The following N4BP2 variants were observed in gnomAD, a reference collection of about 807,000 sequenced individuals.
N4BP2 encodes the protein NEDD4 binding protein 2.
N4BP2 carries 91 observed loss-of-function variants against 152.8 expected under a neutral mutation model. That is an observed-to-expected ratio of 0.60 (90% CI 0.50 to 0.71). The LOEUF (loss-of-function observed/expected upper bound fraction) is 0.71, where lower values mean the gene tolerates loss of function less well. Ranked by LOEUF, N4BP2 falls within the 30% of genes least tolerant of loss-of-function variation. The pLI, the probability that N4BP2 is intolerant of heterozygous loss-of-function variation, is 0.00. For missense variants in N4BP2, 1,923 were observed against 2,059.1 expected (o/e 0.93, Z 1.28); for synonymous variants, 646 against 705.3 (o/e 0.92, Z 1.33).
the N4BP2 span, among the ~76,000 whole-genome samples, chr4:40,183,387 G>A: frequency 6.7e-6 from 1 of 150,200 alleles, no homozygotes; most frequent in Non-Finnish European, 1.5e-5. Context: ...CCAGGCTGGA[G>A]TGCAGTGGCG....
chr4:40,100,309 A>C (rs1301435851), intron 3 of N4BP2, among the ~76,000 whole-genome samples: 4 of 152,054 alleles, frequency 2.6e-5, no homozygotes. Context: ...AGCAAGACAA[A>C]ACACAAAATA....
intron 1 of N4BP2, among the ~76,000 whole-genome samples, chr4:40,072,419 T>C (rs969750411): frequency 6.6e-6 from 1 of 151,568 alleles, no homozygotes; most frequent in African/African-American, 2.4e-5. Flanking sequence ...CTAATTTTTG[T>C]ATTTTTAGTA....
chr4:40,062,615 C>T (rs1009439010), intron 1 of N4BP2, among the ~76,000 whole-genome samples: 1 of 149,972 alleles, frequency 6.7e-6, no homozygotes, highest in South Asian at 2.1e-4. Context: ...TTTCAGGATC[C>T]TCATGATTTG....
Position 40,113,423 on chromosome 4 carries a change from T to C in N4BP2, c.1588-9T>C, listed in dbSNP as rs1385898293. The stretch of plus-strand genomic sequence containing the variant: ...TATTTTAAAATGTTTTTGTCTTTGT[T>C]GTATGTAGTCTCAGAAACACAAATA... On this transcript the variant is annotated splice_polypyrimidine_tract_variant and intron_variant, in intron 6 of 17. Coordinates refer to ENST00000261435, the MANE Select transcript of N4BP2 (RefSeq NM_018177.6). The C allele has an allele frequency of 6.3e-7, 1 of 1,589,078 alleles. No homozygotes were observed. Among genetic ancestry groups the C allele is most frequent in the South Asian group, 1.1e-5 (1 of 89,570 alleles).
rs932666371 is a variant in N4BP2 at position 40,102,167 on chromosome 4, C to G, written c.322C>G (p.Gln108Glu). 12 of 1,613,394 alleles carry G rather than the reference C, an allele frequency of 7.4e-6. No homozygotes were observed. The highest frequency in any genetic ancestry group is 1.3e-5 in the African/African-American group (1 of 74,942). ...ACAAAGTTTCGTTGCTTCTGAGAAC[C>G]AAGTAGGTGCAGCAGAAAGTAAAAT... ...SSQSFVASEN[Q>E]VGAAESKIME... The change falls in exon 4 of 18, where the codon CAA becomes GAA. Residue 108 changes from glutamine (Q) to glutamate (E), a missense_variant. Gln to Glu is a conservative substitution (Grantham distance 29). Coordinates refer to ENST00000261435, the MANE Select transcript of N4BP2 (RefSeq NM_018177.6).
chr4:40,125,495 C>T (rs793998), intron 11 of N4BP2, among the ~76,000 whole-genome samples: 116,128 of 152,152 alleles, frequency 0.76, 44,702 homozygotes, highest in East Asian at 0.97. Flanking sequence ...CAGCTGGCTA[C>T]AACTTCCTCT....
At chr4:40,151,098 A>G (rs901984675) in intron 16 of N4BP2, among the ~76,000 whole-genome samples, 1 of 152,236 alleles carries the variant, frequency 6.6e-6, no homozygotes, top group African/African-American at 2.4e-5. Flanking sequence ...ACTTCATGCA[A>G]CAAACATCCT....
chr4:40,172,936 CT>C, the N4BP2 span, among the ~76,000 whole-genome samples: 3 of 150,770 alleles, frequency 2.0e-5, no homozygotes, highest in African/African-American at 4.9e-5. Context: ...AACTTTTTTG[CT>C]TTTTTTTTGC....
At chr4:40,106,486 T>G (rs1716302196) in intron 4 of N4BP2, among the ~76,000 whole-genome samples, 1 of 152,094 alleles carries the variant, frequency 6.6e-6, no homozygotes, top group Non-Finnish European at 1.5e-5. Flanking sequence ...CTGCCTAATT[T>G]TTGTCTTTTT....
At chr4:40,084,679 G>T (rs1713755308) in intron 2 of N4BP2, among the ~76,000 whole-genome samples, 1 of 149,470 alleles carries the variant, frequency 6.7e-6, no homozygotes, top group Non-Finnish European at 1.5e-5. Flanking sequence ...TGCCAGGCTG[G>T]AGTGCAGTGG....
At chr4:40,178,534 C>T in the N4BP2 span, among the ~76,000 whole-genome samples, 1 of 152,074 alleles carries the variant, frequency 6.6e-6, no homozygotes, top group African/African-American at 2.4e-5. Context: ...CAGCATGTAC[C>T]TTTCTGGTAG....
the N4BP2 span, among the ~76,000 whole-genome samples, chr4:40,180,426 G>C: frequency 6.6e-6 from 1 of 152,272 alleles, no homozygotes; most frequent in East Asian, 1.9e-4. Context: ...TTGTGATAAT[G>C]CAGGCAGATA....
chr4:40,106,229 G>A (rs150277674), intron 4 of N4BP2, among the ~76,000 whole-genome samples: 13 of 152,258 alleles, frequency 8.5e-5, no homozygotes, highest in Admixed American at 3.9e-4. Context: ...CCTGCCTTAG[G>A]TCAGATTTTT....
Position 40,157,596 on chromosome 4 carries a change from G to C in N4BP2, c.*3359G>C, listed in dbSNP as rs1332972582. 1 of 152,056 alleles carries C rather than the reference G, an allele frequency of 6.6e-6. No homozygotes were observed. Among genetic ancestry groups the C allele is most frequent in the Non-Finnish European group, 1.5e-5 (1 of 67,950 alleles). The allele number at this position is 152,056 out of a possible 1,614,324, so 9.4% of individuals were successfully genotyped here. ...AGAAAATGACGAAATGTATAAAAAA[G>C]ACAAAAATAACGTGTGCTGTTTTTT... On this transcript the variant is annotated 3_prime_UTR_variant, in exon 18 of 18. Transcript: ENST00000261435.
At chr4:40,175,807 GAA>G in the N4BP2 span, among the ~76,000 whole-genome samples, 1 of 64,012 alleles carries the variant, frequency 1.6e-5, no homozygotes. Context: ...CTCGTCTCAA[GAA>G]AAAAAAAAAA....
chr4:40,084,648 T>G (rs1173821068), intron 2 of N4BP2, among the ~76,000 whole-genome samples: 2 of 136,666 alleles, frequency 1.5e-5, no homozygotes, highest in Non-Finnish European at 1.6e-5. Context: ...TTTTTTTTTT[T>G]GAGGCAGAGT....
chr4:40,166,688 T>TA, the N4BP2 span: 2,085 of 147,570 alleles, frequency 0.014, 48 homozygotes, highest in African/African-American at 0.047. Flanking sequence ...AAACTCCATC[T>TA]AAAAAAAAAA....
chr4:40,065,985 C>T (rs1009219151), intron 1 of N4BP2, among the ~76,000 whole-genome samples: 2 of 151,720 alleles, frequency 1.3e-5, no homozygotes, highest in African/African-American at 4.8e-5. Flanking sequence ...GGCTGGAGTG[C>T]AGTGGCGTGA....
At chr4:40,101,800 AAAT>A (rs1384779082) in intron 3 of N4BP2, among the ~76,000 whole-genome samples, 9 of 152,196 alleles carry the variant, frequency 5.9e-5, no homozygotes, top group Non-Finnish European at 1.2e-4. Context: ...TCAATTCAGC[AAAT>A]AATATTTATT....
Sources: allele counts gnomAD v4.1 joint callset (sites outside exome capture counted in the v4.1 genomes callset), GRCh38; gene constraint gnomAD v4.1.1; transcripts MANE v1.5; gene names NCBI Gene and HGNC (gene_info 2026-07-23, HGNC 2026-07-21).